The following MYPN variants were observed in gnomAD, a reference collection of about 807,000 sequenced individuals.
MYPN encodes the protein sarcomeric protein myopalladin, 145 kDa (MYOP).
A neutral mutation model predicts 129.4 loss-of-function variants in MYPN; 63 were observed. That is an observed-to-expected ratio of 0.49 (90% CI 0.40 to 0.60). The LOEUF (loss-of-function observed/expected upper bound fraction) is 0.60, where lower values mean the gene tolerates loss of function less well. Among genes scored for constraint, MYPN ranks in the 20% least tolerant of loss-of-function variants. The probability of loss-of-function intolerance (pLI) is 0.00; values close to 1 mark genes in which losing one functional copy is unlikely to be tolerated. For synonymous variants in MYPN, 629 were observed against 600.9 expected (o/e 1.05, Z -0.68); for missense variants, 1,596 against 1,635.4 (o/e 0.98, Z 0.42).
intron 1 of MYPN, among the ~76,000 whole-genome samples, chr10:68,120,516 TATGAA>T (rs1490656719): frequency 6.6e-6 from 1 of 152,198 alleles, no homozygotes; most frequent in Non-Finnish European, 1.5e-5. Context: ...TGTAGCCTAA[TATGAA>T]GAAGCTAAAT....
At chr10:68,135,623 C>A in intron 2 of MYPN, 1 of 343,838 alleles carries the variant, frequency 2.9e-6, no homozygotes, top group Non-Finnish European at 4.1e-6. Flanking sequence ...AAGGAAAGTC[C>A]TTTTCTGGTG....
intron 19 of MYPN, among the ~76,000 whole-genome samples, chr10:68,209,461 G>T (rs988411377): frequency 6.6e-6 from 1 of 152,124 alleles, no homozygotes; most frequent in Non-Finnish European, 1.5e-5. Flanking sequence ...GGTGATTAGG[G>T]TGTGAGGTAG....
Position 68,136,450 on chromosome 10 carries a change from T to C in MYPN, c.903-6490T>C. On this transcript the variant is annotated intron_variant, in intron 2 of 19. Coordinates refer to ENST00000358913, the MANE Select transcript of MYPN (RefSeq NM_032578.4). Reference sequence around the variant, plus strand: ...AAGCATTCCCTAACATGGATGGAGGTTTGAGAGTATGGTTCCCCCTGACCC... The same window carrying C: ...AAGCATTCCCTAACATGGATGGAGGCTTGAGAGTATGGTTCCCCCTGACCC... 1.0e-5 allele frequency: 10 copies of C among 997,762 alleles called. No homozygotes were observed. In the South Asian group the frequency reaches 2.9e-4, roughly 29 times the overall value. 61.8% of individuals were successfully genotyped at this position (997,762 alleles called of 1,614,324 possible). A position where few individuals can be genotyped will look rare whatever the true frequency, so the allele number is the denominator to read the frequency against.
chr10:68,167,878 G>A (rs1437631034), intron 10 of MYPN, among the ~76,000 whole-genome samples: 1 of 152,200 alleles, frequency 6.6e-6, no homozygotes, highest in Non-Finnish European at 1.5e-5. Flanking sequence ...TTATTGCAGG[G>A]ATATAGGCAG....
rs369665053 is a variant in MYPN, at chr10:68,174,038, T to A, written c.1974-28T>A. The A allele has an allele frequency of 3.9e-6, 6 of 1,531,844 alleles. No homozygotes were observed. In the African/African-American group the frequency reaches 5.5e-5, roughly 14 times the overall value. The allele number at this position is 1,531,844 out of a possible 1,614,324, so 94.9% of individuals were successfully genotyped here. A position where few individuals can be genotyped will look rare whatever the true frequency, so the allele number is the denominator to read the frequency against. ...AGGCCAATAATAACACATTTCCTTC[T>A]CTCTCTCCACCCTTGTTTTGTGTAC... On this transcript the variant is annotated intron_variant, in intron 10 of 19. Coordinates refer to ENST00000358913, the MANE Select transcript of MYPN (RefSeq NM_032578.4).
At chr10:68,191,391 T>C (rs1030112211) in intron 13 of MYPN, among the ~76,000 whole-genome samples, 3 of 151,990 alleles carry the variant, frequency 2.0e-5, no homozygotes, top group Non-Finnish European at 2.9e-5. Flanking sequence ...CTAATTTTTG[T>C]ACCTTTAATA....
chr10:68,122,203 C>A lies in MYPN; in HGVS notation c.765C>A (p.Ser255=), dbSNP rs1460606119. 5 of 1,608,778 alleles carry A rather than the reference C, an allele frequency of 3.1e-6. No individual in the cohort carries two copies. Among genetic ancestry groups the A allele is most frequent in the Non-Finnish European group, 4.2e-6 (5 of 1,177,384 alleles). The change falls in exon 2 of 20, where the codon TCC becomes TCA. Residue 255 remains serine, a synonymous_variant. Transcript: ENST00000358913. Reference sequence around the variant, plus strand: ...GTGGAGACACTACACCAGGGTCTTCCCCTTCATCTCTGTACTATGAAGAAC... The same window carrying A: ...GTGGAGACACTACACCAGGGTCTTCACCTTCATCTCTGTACTATGAAGAAC... The part of the protein sequence containing the change: ...AAGGDTTPGS[S]PSSLYYEEPL...
intron 2 of MYPN, among the ~76,000 whole-genome samples, chr10:68,136,970 G>A (rs1384426963): frequency 1.3e-5 from 2 of 151,934 alleles, no homozygotes; most frequent in African/African-American, 2.4e-5. Flanking sequence ...TTATTCTCAG[G>A]ATCCCTTTAC....
intron 6 of MYPN, among the ~76,000 whole-genome samples, chr10:68,157,867 A>AAAAC: frequency 6.6e-6 from 1 of 150,646 alleles, no homozygotes; most frequent in Non-Finnish European, 1.5e-5. Context: ...AACAAAAAAA[A>AAAAC]ACACCCCCGA....
chr10:68,205,516 CA>C (rs35907393), intron 18 of MYPN, among the ~76,000 whole-genome samples: 79,973 of 134,554 alleles, frequency 0.59, 23,997 homozygotes, highest in Non-Finnish European at 0.69. Context: ...CTATTTCTAC[CA>C]AAAAAAAAAA....
intron 8 of MYPN, chr10:68,165,417 G>A (rs1354560216): frequency 4.3e-5 from 21 of 483,008 alleles, no homozygotes; most frequent in Non-Finnish European, 8.6e-5. Flanking sequence ...TTGCCACTGC[G>A]CTCCAGCCTG....
chr10:68,133,303 G>A (rs1473596984), intron 2 of MYPN, among the ~76,000 whole-genome samples: 1 of 152,074 alleles, frequency 6.6e-6, no homozygotes, highest in Non-Finnish European at 1.5e-5. Flanking sequence ...GGGGTTACAG[G>A]TGTCAGCCAC....
rs1203254918 is a variant in MYPN, at chr10:68,175,341, G to A, written c.2583G>A (p.Ala861=). 1.4e-5 allele frequency: 23 copies of A among 1,613,968 alleles called. No individual in the cohort carries two copies. Among genetic ancestry groups the A allele is most frequent in the Non-Finnish European group, 1.9e-5 (23 of 1,179,968 alleles). The part of the protein sequence containing the change: ...SAPSMPSQGL[A]KKNTKSPQPV... ...CTTACAGGCCATCCCAGGGATTAGCGAAGAAAAATACAAAGTCTCCTCAAC... is the reference window on the plus strand; with the variant it reads ...CTTACAGGCCATCCCAGGGATTAGCAAAGAAAAATACAAAGTCTCCTCAAC... Residue 861 remains alanine (A), a synonymous_variant, in exon 12 of 20, where the codon GCG becomes GCA. Coordinates refer to ENST00000358913, the MANE Select transcript of MYPN (RefSeq NM_032578.4).
At chr10:68,145,358 C>A in intron 3 of MYPN, 117 bp from the exon 4 acceptor site, 1 of 814,126 alleles carries the variant, frequency 1.2e-6, no homozygotes, top group Non-Finnish European at 2.0e-6. Context: ...TGTAGGTATT[C>A]AGATATTTAG....
intron 18 of MYPN, among the ~76,000 whole-genome samples, chr10:68,202,567 A>G (rs1233264993): frequency 1.3e-5 from 2 of 152,216 alleles, no homozygotes; most frequent in Non-Finnish European, 2.9e-5. Context: ...ACATCAAGGC[A>G]GTTATACTCC....
chr10:68,156,289 TC>T (rs1370175264), intron 6 of MYPN, among the ~76,000 whole-genome samples: 2 of 152,140 alleles, frequency 1.3e-5, no homozygotes, highest in African/African-American at 2.4e-5. Context: ...TTTTCAATGG[TC>T]CCCAAAGCTG....
upstream of MYPN, among the ~76,000 whole-genome samples, chr10:68,104,368 CT>C (rs1162093007): frequency 6.6e-6 from 1 of 152,190 alleles, no homozygotes; most frequent in African/African-American, 2.4e-5. Context: ...TTTCCTACCC[CT>C]AACTTGTAAA....
chr10:68,153,188 G>A (rs1377927520), intron 6 of MYPN, among the ~76,000 whole-genome samples: 1 of 151,846 alleles, frequency 6.6e-6, no homozygotes, highest in Admixed American at 6.6e-5. Flanking sequence ...GTTTCACCAT[G>A]TTGCCCTGGC....
At chr10:68,154,145 G>A (rs944086697) in intron 6 of MYPN, among the ~76,000 whole-genome samples, 2 of 152,166 alleles carry the variant, frequency 1.3e-5, no homozygotes, top group African/African-American at 2.4e-5. Flanking sequence ...CTCTTTAACT[G>A]TGGATAGAGA....
Sources: allele counts gnomAD v4.1 joint callset (sites outside exome capture counted in the v4.1 genomes callset), GRCh38; gene constraint gnomAD v4.1.1; transcripts MANE v1.5; gene names NCBI Gene and HGNC (gene_info 2026-07-23, HGNC 2026-07-21).